The following OXR1 variants were observed in gnomAD, a reference collection of about 807,000 sequenced individuals.
The protein encoded by OXR1 is oxidation resistance protein 1.
OXR1 carries 41 observed loss-of-function variants against 104.6 expected under a neutral mutation model. That is an observed-to-expected ratio of 0.39 (90% CI 0.31 to 0.51). The LOEUF is 0.51. Ranked by LOEUF, OXR1 falls within the 20% of genes least tolerant of loss-of-function variation. The probability of loss-of-function intolerance (pLI) is 0.77; values close to 1 mark genes in which losing one functional copy is unlikely to be tolerated. For missense variants in OXR1, 955 were observed against 1,031.9 expected (o/e 0.93, Z 1.02); for synonymous variants, 348 against 348.4 (o/e 1.00, Z 0.01).
At chr8:106,434,154 G>A (rs1159063953) in intron 2 of OXR1, among the ~76,000 whole-genome samples, 1 of 151,874 alleles carries the variant, frequency 6.6e-6, no homozygotes, top group Non-Finnish European at 1.5e-5. Flanking sequence ...AAAAAAACTA[G>A]AAAATAATGT....
rs906528560 is a variant in OXR1, at chr8:106,366,767, C to A, written c.23+7131C>A. Among the ~76,000 whole-genome samples, 7 of 151,154 alleles carry A rather than the reference C, an allele frequency of 4.6e-5. No homozygotes were observed. In the East Asian group the frequency reaches 1.4e-3, roughly 29 times the overall value. ...GAAAGTGGGTGTGAGAGCCTGAAAC[C>A]AAAGAATCTTCCTGTTAAGTGGAAA... On this transcript the variant is annotated intron_variant, in intron 2 of 16. Coordinates refer to ENST00000517566, the MANE Select transcript of OXR1 (RefSeq NM_001198533.2).
rs769447204 is a variant in OXR1 at position 106,740,534 on chromosome 8, G to A, written c.2316+39G>A. 13 of 1,519,718 alleles carry A rather than the reference G, an allele frequency of 8.6e-6. No homozygotes were observed. In the Admixed American group the frequency reaches 1.5e-4, roughly 18 times the overall value. 94.1% of individuals were successfully genotyped at this position (1,519,718 alleles called of 1,614,324 possible). A position where few individuals can be genotyped will look rare whatever the true frequency, so the allele number is the denominator to read the frequency against. On this transcript the variant is annotated intron_variant, in intron 14 of 16. Coordinates refer to ENST00000517566, the MANE Select transcript of OXR1 (RefSeq NM_001198533.2). The stretch of plus-strand genomic sequence containing the variant: ...ACTGCATAGATTGCTTATCCTTTAA[G>A]AGCAGTAACAGTAACTTTTAGCATA...
At chr8:106,526,021 C>G (rs1353382668) in intron 3 of OXR1, among the ~76,000 whole-genome samples, 1 of 152,140 alleles carries the variant, frequency 6.6e-6, no homozygotes, top group African/African-American at 2.4e-5. Context: ...TAAGGCCAGC[C>G]CTCAGGTGCT....
At chr8:106,670,026 T>TC (rs1460427176) in intron 3 of OXR1, among the ~76,000 whole-genome samples, 1 of 152,146 alleles carries the variant, frequency 6.6e-6, no homozygotes, top group African/African-American at 2.4e-5. Flanking sequence ...GAGGGAGAAC[T>TC]CCAATTTGAT....
At chr8:106,312,150 G>T (rs1005721652) in intron 1 of OXR1, among the ~76,000 whole-genome samples, 2 of 152,154 alleles carry the variant, frequency 1.3e-5, no homozygotes, top group African/African-American at 4.8e-5. Flanking sequence ...AAACTAAAGC[G>T]ATTTGAATTA....
chr8:106,459,104 C>T (rs7814744), intron 2 of OXR1, among the ~76,000 whole-genome samples: 16,867 of 151,984 alleles, frequency 0.11, 3,169 homozygotes, highest in African/African-American at 0.39. Context: ...TTTGGTGAGC[C>T]TGGAGTAGAA....
At chr8:106,500,791 T>C (rs1811759704) in intron 2 of OXR1, among the ~76,000 whole-genome samples, 1 of 152,364 alleles carries the variant, frequency 6.6e-6, no homozygotes, top group Non-Finnish European at 1.5e-5. Flanking sequence ...GAGTGAAATA[T>C]GTGAATGTGC....
At chr8:106,381,328 C>A (rs956459090) in intron 2 of OXR1, among the ~76,000 whole-genome samples, 2 of 151,918 alleles carry the variant, frequency 1.3e-5, no homozygotes, top group South Asian at 2.1e-4. Context: ...AGCTGGAATG[C>A]GATGAGTAGG....
chr8:106,419,774 T>A (rs1347170154), intron 2 of OXR1, among the ~76,000 whole-genome samples: 1 of 152,144 alleles, frequency 6.6e-6, no homozygotes, highest in Non-Finnish European at 1.5e-5. Flanking sequence ...GCAGTAGTAT[T>A]AGCTGACAGT....
intron 2 of OXR1, among the ~76,000 whole-genome samples, chr8:106,426,038 C>A (rs1819103370): frequency 6.6e-6 from 1 of 152,080 alleles, no homozygotes; most frequent in African/African-American, 2.4e-5. Flanking sequence ...CCACAAAAGG[C>A]CTGAGAGACA....
intron 2 of OXR1, among the ~76,000 whole-genome samples, chr8:106,445,971 A>G (rs982889523): frequency 3.3e-5 from 5 of 152,202 alleles, no homozygotes; most frequent in Non-Finnish European, 5.9e-5. Context: ...GGGCCTTACA[A>G]TGTTTTTCAG....
chr8:106,698,603 A>T (rs2131335311), intron 7 of OXR1, among the ~76,000 whole-genome samples: 1 of 151,916 alleles, frequency 6.6e-6, no homozygotes, highest in African/African-American at 2.4e-5. Flanking sequence ...TTCATTTTGG[A>T]TAATTTTAAT....
intron 11 of OXR1, among the ~76,000 whole-genome samples, chr8:106,725,627 G>A (rs1265628112): frequency 6.6e-6 from 1 of 152,124 alleles, no homozygotes; most frequent in Non-Finnish European, 1.5e-5. Flanking sequence ...GGATTTTCAG[G>A]TCACTTTGAA....
At position 106,613,125 on chromosome 8, in the gene OXR1, G is replaced by A. The variant is rs536030452; in HGVS notation, c.221-66085G>A. 8.5e-5 allele frequency among the ~76,000 whole-genome samples: 13 copies of A among 152,080 alleles called. No individual in the cohort carries two copies. The South Asian group carries it at 2.3e-3, about 27-fold the overall frequency. On this transcript the variant is annotated intron_variant, in intron 3 of 16. Coordinates refer to ENST00000517566, the MANE Select transcript of OXR1 (RefSeq NM_001198533.2). ...CCTAATATGAGACATTTTTCCCTAGGGAAAACAGAACTTTGGCTATTTCCC... is the reference window on the plus strand; with the variant it reads ...CCTAATATGAGACATTTTTCCCTAGAGAAAACAGAACTTTGGCTATTTCCC...
At chr8:106,437,464 C>T (rs1303613210) in intron 2 of OXR1, among the ~76,000 whole-genome samples, 1 of 152,170 alleles carries the variant, frequency 6.6e-6, no homozygotes, top group Non-Finnish European at 1.5e-5. Flanking sequence ...ACCAATGCAA[C>T]TGGTCTTTAT....
At chr8:106,395,398 A>G (rs1817736584) in intron 2 of OXR1, among the ~76,000 whole-genome samples, 2 of 152,168 alleles carry the variant, frequency 1.3e-5, no homozygotes, top group Admixed American at 6.6e-5. Flanking sequence ...CCTCAGAATC[A>G]TCATGGGAGG....
chr8:106,322,420 A>G (rs1320891019), intron 1 of OXR1, among the ~76,000 whole-genome samples: 1 of 152,192 alleles, frequency 6.6e-6, no homozygotes, highest in Non-Finnish European at 1.5e-5. Flanking sequence ...AGCCATCTAT[A>G]TCAAGCCCAC....
chr8:106,504,794 C>T (rs1220643148), intron 2 of OXR1, among the ~76,000 whole-genome samples: 1 of 152,116 alleles, frequency 6.6e-6, no homozygotes, highest in Non-Finnish European at 1.5e-5. Flanking sequence ...TAATTTCTAT[C>T]AGTCATGCAA....
intron 11 of OXR1, among the ~76,000 whole-genome samples, chr8:106,733,781 G>T (rs1344201159): frequency 7.0e-6 from 1 of 142,262 alleles, no homozygotes; most frequent in African/African-American, 2.7e-5. Flanking sequence ...AGCCGAGATT[G>T]TGCCACTGCA....
Sources: gnomAD v4.1 joint callset for allele counts (sites outside exome capture counted in the v4.1 genomes callset) on GRCh38, gnomAD v4.1.1 for gene constraint, MANE v1.5 for transcripts, NCBI Gene and HGNC (gene_info 2026-07-23, HGNC 2026-07-21) for gene names.